Variants in DCC observed in about 807,000 individuals in gnomAD.
The protein encoded by DCC is netrin receptor DCC.
A neutral mutation model predicts 172.5 loss-of-function variants in DCC; 58 were observed. The ratio of observed to expected loss-of-function variants is 0.34; its 90% confidence interval spans 0.27 to 0.42. The LOEUF is 0.42. DCC is among the 10% of genes least tolerant of loss of function. The pLI is 1.00. For synonymous variants in DCC, 709 were observed against 644.5 expected, an observed-to-expected ratio of 1.10 and a Z score of -1.52; for missense variants, 1,740 against 1,791.0, an observed-to-expected ratio of 0.97 and a Z score of 0.51.
At chr18:52,460,539 G>C (rs1301738607) in intron 1 of DCC, among the ~76,000 whole-genome samples, 1 of 152,010 alleles carries the variant, frequency 6.6e-6, no homozygotes, top group East Asian at 1.9e-4. Context: ...AACAACAGGT[G>C]TAAGTTCTGA....
intron 7 of DCC, among the ~76,000 whole-genome samples, chr18:53,070,382 A>G (rs2042636507): frequency 6.6e-6 from 1 of 152,174 alleles, no homozygotes; most frequent in African/African-American, 2.4e-5. Flanking sequence ...GACAGAGCTG[A>G]CAGTGTGTGT....
chr18:53,135,341 T>C (rs1167143512), intron 7 of DCC, among the ~76,000 whole-genome samples: 1 of 152,110 alleles, frequency 6.6e-6, no homozygotes, highest in East Asian at 1.9e-4. Context: ...GAAATCAGGA[T>C]TCATCACACA....
At chr18:52,636,007 CA>C (rs2034772019) in intron 1 of DCC, among the ~76,000 whole-genome samples, 1 of 152,164 alleles carries the variant, frequency 6.6e-6, no homozygotes, top group Non-Finnish European at 1.5e-5. Flanking sequence ...GGAGACACCG[CA>C]AATACTGTGA....
At chr18:52,532,206 T>G (rs1362217007) in intron 1 of DCC, among the ~76,000 whole-genome samples, 1 of 152,154 alleles carries the variant, frequency 6.6e-6, no homozygotes, top group African/African-American at 2.4e-5. Flanking sequence ...AGGAATAAAA[T>G]AGTTATGTTG....
At chr18:52,422,170 C>A (rs913355565) in intron 1 of DCC, among the ~76,000 whole-genome samples, 1 of 151,994 alleles carries the variant, frequency 6.6e-6, no homozygotes, top group East Asian at 1.9e-4. Context: ...TGAGTGAATG[C>A]GTGAATAAAT....
intron 1 of DCC, among the ~76,000 whole-genome samples, chr18:52,705,791 T>C (rs2036199243): frequency 1.3e-5 from 2 of 152,218 alleles, no homozygotes; most frequent in Non-Finnish European, 2.9e-5. Flanking sequence ...TCATAGAAGA[T>C]ACTTTAAAAG....
chr18:53,304,910 T>G (rs1339319907), intron 12 of DCC, among the ~76,000 whole-genome samples: 1 of 152,188 alleles, frequency 6.6e-6, no homozygotes, highest in Non-Finnish European at 1.5e-5. Flanking sequence ...CTCCCATAAT[T>G]CCTACCTGTC....
intron 12 of DCC, among the ~76,000 whole-genome samples, chr18:53,280,733 A>T (rs1397901696): frequency 6.6e-6 from 1 of 152,136 alleles, no homozygotes; most frequent in Admixed American, 6.6e-5. Context: ...AACCACTATG[A>T]AAATTTTCTA....
intron 12 of DCC, among the ~76,000 whole-genome samples, chr18:53,304,280 C>T (rs1301359536): frequency 6.6e-6 from 1 of 152,124 alleles, no homozygotes; most frequent in African/African-American, 2.4e-5. Context: ...CAGAGAACCA[C>T]CTTCTTTTAC....
At chr18:53,077,802 A>G (rs747490896) in intron 7 of DCC, among the ~76,000 whole-genome samples, 6 of 152,182 alleles carry the variant, frequency 3.9e-5, no homozygotes, top group Non-Finnish European at 8.8e-5. Context: ...TAAATGGGTG[A>G]TATTTCAGGT....
At chr18:53,184,036 C>T (rs1055814223) in intron 9 of DCC, among the ~76,000 whole-genome samples, 3 of 149,612 alleles carry the variant, frequency 2.0e-5, no homozygotes, top group East Asian at 2.0e-4. Flanking sequence ...CCTGATCCAA[C>T]GGGATCAAAT....
intron 2 of DCC, among the ~76,000 whole-genome samples, chr18:52,769,030 A>G (rs1044155773): frequency 5.9e-5 from 9 of 152,214 alleles, no homozygotes; most frequent in Non-Finnish European, 8.8e-5. Flanking sequence ...CTTCAATAAA[A>G]TACATGGTAG....
intron 1 of DCC, among the ~76,000 whole-genome samples, chr18:52,515,816 A>G (rs1467267074): frequency 6.6e-6 from 1 of 150,680 alleles, no homozygotes; most frequent in African/African-American, 2.4e-5. Flanking sequence ...AAGACAAGCT[A>G]CAGACTAGGA....
chr18:52,574,945 G>C (rs762862766), intron 1 of DCC, among the ~76,000 whole-genome samples: 3 of 152,166 alleles, frequency 2.0e-5, no homozygotes, highest in Non-Finnish European at 4.4e-5. Flanking sequence ...TCTGAATTAG[G>C]TACACTGTAC....
intron 1 of DCC, among the ~76,000 whole-genome samples, chr18:52,358,618 T>C (rs1237823683): frequency 1.3e-5 from 2 of 152,238 alleles, no homozygotes; most frequent in Admixed American, 1.3e-4. Flanking sequence ...TAAATCAATA[T>C]GAACATAACC....
At chr18:52,649,973 ATTT>A (rs71175512) in intron 1 of DCC, among the ~76,000 whole-genome samples, 7,321 of 106,986 alleles carry the variant, frequency 0.068, 239 homozygotes, top group East Asian at 0.26. Context: ...TGATAGTTCT[ATTT>A]TTTTTTTTTT....
rs9953747 is a variant in DCC at position 52,714,553 on chromosome 18, C to T, written c.92-37501C>T. On this transcript the variant is annotated intron_variant, in intron 1 of 28. Coordinates refer to ENST00000442544, the MANE Select transcript of DCC (RefSeq NM_005215.4). ...GGAACTGCTATATTGGGAAAAAGAA[C>T]AACATTATCTGAAGGATGAGTGAGT... 7.3e-3 allele frequency among the ~76,000 whole-genome samples: 1,118 copies of T among 152,240 alleles called. 18 individuals carry two copies. Among genetic ancestry groups the T allele is most frequent in the African/African-American group, 0.026 (1,083 of 41,540 alleles).
intron 8 of DCC, among the ~76,000 whole-genome samples, chr18:53,159,333 T>G (rs1340876081): frequency 6.6e-6 from 1 of 152,154 alleles, no homozygotes; most frequent in Non-Finnish European, 1.5e-5. Flanking sequence ...AGCAAAAAAT[T>G]CATGCCATGT....
intron 15 of DCC, among the ~76,000 whole-genome samples, chr18:53,383,188 G>A (rs1048425264): frequency 2.6e-5 from 4 of 152,014 alleles, no homozygotes; most frequent in East Asian, 1.9e-4. Flanking sequence ...ATACTGTCTC[G>A]TTGTCTCTAT....
Sources: gnomAD v4.1 joint callset for allele counts (sites outside exome capture counted in the v4.1 genomes callset) on GRCh38, gnomAD v4.1.1 for gene constraint, MANE v1.5 for transcripts, NCBI Gene and HGNC (gene_info 2026-07-23, HGNC 2026-07-21) for gene names.